MAP7: variants seen among roughly 807,000 people sequenced by gnomAD.
MAP7 encodes ensconsin.
Under a neutral mutation model 94.8 loss-of-function variants are expected in MAP7, and 52 were observed. The ratio of observed to expected loss-of-function variants is 0.55; its 90% CI spans 0.44 to 0.69. The LOEUF (loss-of-function observed/expected upper bound fraction) is 0.69. Ranked by LOEUF, MAP7 falls within the 30% of genes least tolerant of loss-of-function variation. The pLI is 0.00. For missense variants in MAP7, 940 were observed against 964.6 expected (o/e 0.97, Z 0.34); for synonymous variants, 350 against 357.0 (o/e 0.98, Z 0.22).
chr6:136,424,889 C>G (rs1021799840), intron 1 of MAP7, among the ~76,000 whole-genome samples: 1 of 152,238 alleles, frequency 6.6e-6, no homozygotes, highest in African/African-American at 2.4e-5. Flanking sequence ...TTCAGTCACT[C>G]TTTTTAATAA....
At chr6:136,363,553 C>T (rs1347907883) in intron 10 of MAP7, among the ~76,000 whole-genome samples, 1 of 152,192 alleles carries the variant, frequency 6.6e-6, no homozygotes, top group African/African-American at 2.4e-5. Context: ...CCTCCTTTTT[C>T]TAACATTTTA....
At chr6:136,406,778 G>A (rs577557931) in intron 3 of MAP7, among the ~76,000 whole-genome samples, 2 of 152,160 alleles carry the variant, frequency 1.3e-5, no homozygotes, top group Non-Finnish European at 2.9e-5. Context: ...CTGAGATCAT[G>A]CCACTGCACT....
chr6:136,386,699 G>A (rs73559075), intron 5 of MAP7, among the ~76,000 whole-genome samples: 2,431 of 152,328 alleles, frequency 0.016, 41 homozygotes, highest in East Asian at 0.039. Flanking sequence ...TATCCCACCA[G>A]CTACTGCTGG....
intron 1 of MAP7, among the ~76,000 whole-genome samples, chr6:136,422,245 T>C (rs1258982492): frequency 1.3e-5 from 2 of 152,172 alleles, no homozygotes; most frequent in African/African-American, 4.8e-5. Context: ...TAGCCCCAGG[T>C]CCTGACAACA....
At chr6:136,360,609 A>C (rs566296020) in intron 13 of MAP7, 88 bp downstream of exon 13, 1 of 1,085,554 alleles carries the variant, frequency 9.2e-7, no homozygotes, top group East Asian at 2.4e-5. Context: ...GCAAGGGTAG[A>C]ACACGCGTTT....
In MAP7 at chr6:136,388,378, G is replaced by C. The variant is rs1779743725; in HGVS notation, c.526+15C>G. On this transcript the variant is annotated intron_variant, in intron 5 of 17. Transcript: ENST00000354570. ...AGGAAAATAAAGACTAATTTTCAAA[G>C]TGGTCACTGTTTACCTGCACTGTGG... 6.4e-7 allele frequency: 1 copy of C among 1,569,144 alleles called. No individual in the cohort carries two copies. The highest frequency in any genetic ancestry group is 8.7e-7 in the Non-Finnish European group (1 of 1,144,756).
intron 2 of MAP7, among the ~76,000 whole-genome samples, chr6:136,413,155 C>A (rs1293680079): frequency 6.6e-6 from 1 of 151,946 alleles, no homozygotes; most frequent in African/African-American, 2.4e-5. Context: ...GAGCAAGACT[C>A]TGTCTCCAAA....
chr6:136,361,272 T>C, intron 11 of MAP7, 93 bp from the exon 12 acceptor site: 9 of 1,324,370 alleles, frequency 6.8e-6, no homozygotes, highest in Non-Finnish European at 9.4e-6. Context: ...GGGCGGTTCC[T>C]TTAGGCGTCC....
chr6:136,393,230 C>T lies in MAP7; in HGVS notation c.245-3713G>A, dbSNP rs138689599. On this transcript the variant is annotated intron_variant, in intron 3 of 17. Transcript: ENST00000354570. ...AGATCCCATCTCCTTAATGCACCTC[C>T]CATCAAACCATGCTTCTCCCAGATC... Among the ~76,000 whole-genome samples the T allele has an allele frequency of 3.9e-3, 590 of 152,256 alleles. 5 individuals carry two copies. The highest frequency in any genetic ancestry group is 0.014 in the African/African-American group (568 of 41,544).
chr6:136,374,994 C>T (rs933690157), intron 7 of MAP7, among the ~76,000 whole-genome samples: 6 of 151,808 alleles, frequency 4.0e-5, no homozygotes, highest in African/African-American at 9.7e-5. Context: ...CACTGTCTCA[C>T]GAAAATGTCT....
chr6:136,434,647 T>C (rs1418230414), intron 1 of MAP7, among the ~76,000 whole-genome samples: 2 of 151,784 alleles, frequency 1.3e-5, no homozygotes, highest in African/African-American at 4.8e-5. Flanking sequence ...CACATCAATA[T>C]GTCCCCAAAT....
At chr6:136,543,908 G>A (rs117596770) in intron 1 of MAP7, among the ~76,000 whole-genome samples, 2,199 of 152,148 alleles carry the variant, frequency 0.014, 25 homozygotes, top group Non-Finnish European at 0.02. Flanking sequence ...AAGAAAATCC[G>A]TAATTTTTTT....
chr6:136,454,272 G>GATCTATCTATCTATCTATCT (rs57308742), intron 1 of MAP7, among the ~76,000 whole-genome samples: 108 of 141,472 alleles, frequency 7.6e-4, no homozygotes, highest in Admixed American at 1.3e-3. Flanking sequence ...CTACCTAAAT[G>GATCTATCTATCTATCTATCT]ATCTATCTAT....
chr6:136,471,254 G>A (rs1188989461), intron 1 of MAP7, among the ~76,000 whole-genome samples: 2 of 152,164 alleles, frequency 1.3e-5, no homozygotes. Flanking sequence ...TGATCATGGT[G>A]GGTCTTACTT....
At chr6:136,371,076 T>C (rs1310048087) in intron 8 of MAP7, among the ~76,000 whole-genome samples, 2 of 151,904 alleles carry the variant, frequency 1.3e-5, no homozygotes, top group Admixed American at 6.6e-5. Context: ...TTTGCCTAAA[T>C]ACTTGGTTGT....
At chr6:136,394,717 T>TC (rs1278660719) in intron 3 of MAP7, among the ~76,000 whole-genome samples, 53 of 149,740 alleles carry the variant, frequency 3.5e-4, no homozygotes, top group African/African-American at 1.0e-3. Context: ...CTCTTTAACC[T>TC]CCCCCCCACC....
chr6:136,526,091 C>G, intron 1 of MAP7: 1 of 1,411,848 alleles, frequency 7.1e-7, no homozygotes, highest in African/African-American at 1.5e-5. Flanking sequence ...TGTAATAGAT[C>G]CCCTATGGGT....
In MAP7 at chr6:136,541,046, C is replaced by G. The variant is rs141178634; in HGVS notation, c.67+9296G>C. ...AAGTTGTCACTGAACTAATTTGGAG[C>G]ATCTACCATGAATAGAAACCAGTCC... On this transcript the variant is annotated intron_variant, in intron 1 of 17. Coordinates refer to ENST00000354570, the MANE Select transcript of MAP7 (RefSeq NM_003980.6). Among the ~76,000 whole-genome samples, 4 of 152,292 alleles carry G rather than the reference C, an allele frequency of 2.6e-5. No homozygotes were observed. In the East Asian group the frequency reaches 5.8e-4, roughly 22 times the overall value.
intron 1 of MAP7, among the ~76,000 whole-genome samples, chr6:136,448,509 G>C (rs1341169107): frequency 6.6e-6 from 1 of 151,786 alleles, no homozygotes; most frequent in East Asian, 2.0e-4. Context: ...CCACCTCCCG[G>C]GTTCAAGTGA....
Sources: allele counts gnomAD v4.1 joint callset (sites outside exome capture counted in the v4.1 genomes callset), GRCh38; gene constraint gnomAD v4.1.1; transcripts MANE v1.5; gene names NCBI Gene and HGNC (gene_info 2026-07-23, HGNC 2026-07-21).